CTNNA2: variants seen among roughly 807,000 people sequenced by gnomAD.
CTNNA2 encodes the protein catenin alpha 2.
A neutral mutation model predicts 101.0 loss-of-function variants in CTNNA2; 42 were observed. The ratio of observed to expected loss-of-function variants is 0.42; its 90% confidence interval spans 0.32 to 0.54. CTNNA2 has a LOEUF of 0.54. CTNNA2 is among the 20% of genes least tolerant of loss of function. CTNNA2 has a pLI of 0.14. For synonymous variants in CTNNA2, 450 were observed against 456.4 expected, an observed-to-expected ratio of 0.99 and a Z score of 0.18; for missense variants, 871 against 1,223.1, an observed-to-expected ratio of 0.71 and a Z score of 4.29.
intron 4 of CTNNA2, among the ~76,000 whole-genome samples, chr2:79,416,257 C>CTTTTTTTTTTTTT (rs66830925): frequency 4.2e-5 from 4 of 94,648 alleles, no homozygotes; most frequent in Admixed American, 1.2e-4. Flanking sequence ...CTTTCCTTTT[C>CTTTTTTTTTTTTT]TTTTTTTTTT....
intron 3 of CTNNA2, among the ~76,000 whole-genome samples, chr2:79,776,264 G>T (rs1258414982): frequency 2.0e-5 from 3 of 151,468 alleles, no homozygotes; most frequent in African/African-American, 4.9e-5. Context: ...GTTAACTTTT[G>T]GAATTTTTTT....
intron 7 of CTNNA2, among the ~76,000 whole-genome samples, chr2:80,013,897 T>C (rs1693955348): frequency 6.6e-6 from 1 of 152,222 alleles, no homozygotes; most frequent in Non-Finnish European, 1.5e-5. Context: ...AATTCATGGC[T>C]CACAGCCTAC....
chr2:79,930,161 T>C (rs971517273), intron 7 of CTNNA2, among the ~76,000 whole-genome samples: 1 of 151,602 alleles, frequency 6.6e-6, no homozygotes, highest in African/African-American at 2.4e-5. Flanking sequence ...CACTTGAACC[T>C]GGGAGGCAGA....
chr2:79,280,157 G>A (rs750924645), intron 2 of CTNNA2, among the ~76,000 whole-genome samples: 7 of 152,058 alleles, frequency 4.6e-5, no homozygotes, highest in African/African-American at 7.2e-5. Context: ...GTTCACCATT[G>A]CATAATTCCA....
chr2:80,183,701 C>T (rs1345132351), intron 7 of CTNNA2, among the ~76,000 whole-genome samples: 2 of 152,170 alleles, frequency 1.3e-5, no homozygotes, highest in Non-Finnish European at 2.9e-5. Context: ...CATTCAGATG[C>T]AAAATAATTT....
upstream of CTNNA2, among the ~76,000 whole-genome samples, chr2:79,511,293 T>C (rs1330307479): frequency 2.0e-5 from 3 of 152,208 alleles, no homozygotes; most frequent in African/African-American, 7.2e-5. Context: ...GGACTTGTGA[T>C]GCCTCTCTAA....
chr2:80,090,044 G>T (rs1328178062), intron 7 of CTNNA2, among the ~76,000 whole-genome samples: 1 of 151,942 alleles, frequency 6.6e-6, no homozygotes, highest in African/African-American at 2.4e-5. Context: ...TTCATTCAGG[G>T]TGTCCTCAAG....
chr2:80,478,338 A>G lies in CTNNA2; in HGVS notation c.1290+58737A>G, dbSNP rs139772752. Among the ~76,000 whole-genome samples the G allele has an allele frequency of 2.9e-3, 443 of 152,116 alleles. 2 individuals are homozygous for G. The highest frequency in any genetic ancestry group is 0.01 in the Middle Eastern group (3 of 294). Reference sequence around the variant, plus strand: ...ATTTGCAAATATTTTCTCCCATTCTATAGGTGGTCTTTTTATCTGTTGATT... The same window carrying G: ...ATTTGCAAATATTTTCTCCCATTCTGTAGGTGGTCTTTTTATCTGTTGATT... On this transcript the variant is annotated intron_variant, in intron 9 of 18. Transcript: ENST00000402739.
chr2:80,521,666 G>A (rs1204688516), intron 9 of CTNNA2, among the ~76,000 whole-genome samples: 3 of 152,106 alleles, frequency 2.0e-5, no homozygotes, highest in Non-Finnish European at 2.9e-5. Context: ...GCCAATGGGG[G>A]CAGCCTCTAG....
intron 2 of CTNNA2, among the ~76,000 whole-genome samples, chr2:79,727,086 C>T (rs958225069): frequency 1.3e-5 from 2 of 152,208 alleles, no homozygotes; most frequent in Non-Finnish European, 2.9e-5. Context: ...CTCAAAATCA[C>T]TAGCACATTG....
chr2:79,354,473 A>T (rs1173814709), intron 3 of CTNNA2, among the ~76,000 whole-genome samples: 1 of 152,088 alleles, frequency 6.6e-6, no homozygotes, highest in South Asian at 2.1e-4. Context: ...ATTCTATTTT[A>T]AATGCTTCCA....
At chr2:79,591,653 T>G (rs555221359) in intron 1 of CTNNA2, among the ~76,000 whole-genome samples, 1 of 152,304 alleles carries the variant, frequency 6.6e-6, no homozygotes, top group South Asian at 2.1e-4. Context: ...CCATCTTATT[T>G]TTAGTTTTTC....
chr2:79,817,203 C>A (rs1291527985), intron 3 of CTNNA2, among the ~76,000 whole-genome samples: 2 of 151,850 alleles, frequency 1.3e-5, no homozygotes, highest in Non-Finnish European at 2.9e-5. Flanking sequence ...AACCTCACAA[C>A]AGTCCCTGGT....
intron 1 of CTNNA2, among the ~76,000 whole-genome samples, chr2:79,578,710 C>G (rs1464017116): frequency 6.6e-6 from 1 of 152,118 alleles, no homozygotes; most frequent in Non-Finnish European, 1.5e-5. Context: ...CCTGGACTCT[C>G]TATTCTGTTT....
chr2:79,365,347 G>A (rs1434175), intron 3 of CTNNA2, among the ~76,000 whole-genome samples: 43,865 of 151,992 alleles, frequency 0.29, 6,544 homozygotes, highest in Middle Eastern at 0.44. Flanking sequence ...TAATAGCCAA[G>A]GGTGGTGTCT....
chr2:80,078,153 C>G (rs1297142525), intron 7 of CTNNA2, among the ~76,000 whole-genome samples: 1 of 152,036 alleles, frequency 6.6e-6, no homozygotes, highest in African/African-American at 2.4e-5. Context: ...GATGCTAAGT[C>G]CAGTGTTAGG....
intron 2 of CTNNA2, among the ~76,000 whole-genome samples, chr2:79,199,371 G>C (rs1674003446): frequency 6.6e-6 from 1 of 151,998 alleles, no homozygotes; most frequent in Non-Finnish European, 1.5e-5. Context: ...GTCAGTAATT[G>C]GTTCAGGATA....
At position 79,956,424 on chromosome 2, in the gene CTNNA2, A is replaced by G. The variant is rs563871057; in HGVS notation, c.1056+46627A>G. ...CACACCAACAGTATATTGAAAGCTG[A>G]TGGGAAAATGAACTCTGAGAAGGAA... On this transcript the variant is annotated intron_variant, in intron 7 of 18. Coordinates refer to ENST00000402739, the MANE Select transcript of CTNNA2 (RefSeq NM_001282597.3). Among the ~76,000 whole-genome samples the G allele has an allele frequency of 2.0e-5, 3 of 152,302 alleles. No homozygotes were observed. In the East Asian group the frequency reaches 5.8e-4, roughly 29 times the overall value.
chr2:80,316,739 C>T (rs1311697061), intron 7 of CTNNA2, among the ~76,000 whole-genome samples: 1 of 152,142 alleles, frequency 6.6e-6, no homozygotes, highest in Non-Finnish European at 1.5e-5. Flanking sequence ...ACTATATATG[C>T]TTTGAGGTCC....
Sources: gnomAD v4.1 joint callset for allele counts (sites outside exome capture counted in the v4.1 genomes callset) on GRCh38, gnomAD v4.1.1 for gene constraint, MANE v1.5 for transcripts, NCBI Gene and HGNC (gene_info 2026-07-23, HGNC 2026-07-21) for gene names.